HDAC9: variants seen among roughly 807,000 people sequenced by gnomAD.
HDAC9 encodes histone deacetylase 9.
Under a neutral mutation model 139.4 loss-of-function variants are expected in HDAC9, and 41 were observed. The ratio of observed to expected loss-of-function variants is 0.29; its 90% CI spans 0.23 to 0.38. The LOEUF is 0.38. Among genes scored for constraint, HDAC9 ranks in the 10% least tolerant of loss-of-function variants. HDAC9 has a pLI of 1.00. For synonymous variants in HDAC9, 517 were observed against 476.2 expected (o/e 1.09, Z -1.12); for missense variants, 1,147 against 1,297.0 (o/e 0.88, Z 1.78).
At chr7:18,108,413 A>G (rs547981743) in intron 1 of HDAC9, among the ~76,000 whole-genome samples, 1 of 152,326 alleles carries the variant, frequency 6.6e-6, no homozygotes, top group South Asian at 2.1e-4. Context: ...CTCAGTCCTC[A>G]GGTAAGTACC....
chr7:18,477,868 A>G (rs1047799964), intron 1 of HDAC9, among the ~76,000 whole-genome samples: 1 of 152,096 alleles, frequency 6.6e-6, no homozygotes, highest in Admixed American at 6.5e-5. Context: ...GTATTTATTA[A>G]TATATTTTAA....
intron 2 of HDAC9, among the ~76,000 whole-genome samples, chr7:18,501,193 T>A (rs1798263527): frequency 6.6e-6 from 1 of 152,120 alleles, no homozygotes; most frequent in African/African-American, 2.4e-5. Flanking sequence ...GAGGGAACAC[T>A]GAATGCATTT....
chr7:18,574,288 T>G (rs2128751710), intron 2 of HDAC9, among the ~76,000 whole-genome samples: 1 of 152,318 alleles, frequency 6.6e-6, no homozygotes, highest in South Asian at 2.1e-4. Context: ...CAGACATCTG[T>G]GCAGCCCTCA....
chr7:18,542,518 TAA>T (rs1410097207), intron 2 of HDAC9, among the ~76,000 whole-genome samples: 1 of 152,246 alleles, frequency 6.6e-6, no homozygotes, highest in Non-Finnish European at 1.5e-5. Flanking sequence ...AGGAAAATTC[TAA>T]GATTTTTCTT....
In HDAC9 at chr7:18,954,166, T is replaced by C; in HGVS notation, c.2958T>C (p.Asp986=). 1 of 1,573,076 alleles carries C rather than the reference T, an allele frequency of 6.4e-7. No individual in the cohort carries two copies. The highest frequency in any genetic ancestry group is 8.7e-7 in the Non-Finnish European group (1 of 1,153,808). ...TGCAGCTGGAGCCACTTGCAGAAGA[T>C]ATTCTCCACCAAAGCCCGAATATGA... The part of the protein sequence containing the change: ...LGNELEPLAE[D]ILHQSPNMNA... The change falls in exon 24 of 26, where the codon GAT becomes GAC. Residue 986 remains aspartate (D), a synonymous_variant. Coordinates refer to ENST00000686413, the MANE Select transcript of HDAC9 (RefSeq NM_178425.4).
At chr7:18,640,954 A>T (rs1785413241) in intron 8 of HDAC9, among the ~76,000 whole-genome samples, 1 of 152,208 alleles carries the variant, frequency 6.6e-6, no homozygotes, top group African/African-American at 2.4e-5. Flanking sequence ...GGGTCATGGT[A>T]TACAGAATAA....
At chr7:18,871,775 G>A (rs1018321260) in intron 21 of HDAC9, among the ~76,000 whole-genome samples, 3 of 152,062 alleles carry the variant, frequency 2.0e-5, no homozygotes, top group African/African-American at 7.2e-5. Context: ...GGCATAAATA[G>A]AACAGTGAAC....
intron 23 of HDAC9, among the ~76,000 whole-genome samples, chr7:18,936,299 G>C (rs1042342902): frequency 1.3e-5 from 2 of 152,044 alleles, no homozygotes; most frequent in African/African-American, 4.8e-5. Flanking sequence ...AAAAAAAACT[G>C]TTTTAAAAAT....
chr7:18,095,179 G>A (rs1782427514), intron 1 of HDAC9, among the ~76,000 whole-genome samples: 1 of 151,920 alleles, frequency 6.6e-6, no homozygotes, highest in South Asian at 2.1e-4. Flanking sequence ...CTTTTTCACT[G>A]GGCCCAGTGT....
chr7:18,117,468 A>T (rs1784073928), intron 1 of HDAC9, among the ~76,000 whole-genome samples: 1 of 151,712 alleles, frequency 6.6e-6, no homozygotes, highest in African/African-American at 2.4e-5. Flanking sequence ...CCTGGGCAAC[A>T]GAGCGAGACT....
intron 15 of HDAC9, among the ~76,000 whole-genome samples, chr7:18,765,484 G>T (rs1334710068): frequency 6.6e-6 from 1 of 152,064 alleles, no homozygotes; most frequent in Non-Finnish European, 1.5e-5. Flanking sequence ...GCCAGGCATG[G>T]TGATGCGCAC....
chr7:18,449,993 C>T (rs1200373977), intron 1 of HDAC9, among the ~76,000 whole-genome samples: 4 of 152,094 alleles, frequency 2.6e-5, no homozygotes, highest in African/African-American at 4.8e-5. Flanking sequence ...AACTGAAATA[C>T]GTTCTAACAA....
chr7:18,459,666 G>C (rs901810562), intron 1 of HDAC9, among the ~76,000 whole-genome samples: 2 of 152,044 alleles, frequency 1.3e-5, no homozygotes, highest in South Asian at 2.1e-4. Flanking sequence ...ATTAACATTT[G>C]CAAGTGTAGA....
intron 1 of HDAC9, among the ~76,000 whole-genome samples, chr7:18,457,256 A>G (rs1033366845): frequency 3.9e-5 from 6 of 152,172 alleles, no homozygotes; most frequent in Non-Finnish European, 8.8e-5. Flanking sequence ...TTCCTACAGT[A>G]TTTCAAGTGA....
intron 23 of HDAC9, chr7:18,948,976 G>T: frequency 2.6e-6 from 1 of 388,320 alleles, no homozygotes; most frequent in South Asian, 2.2e-5. Flanking sequence ...TCACATAATT[G>T]ATGAAATTGG....
At chr7:18,184,716 C>T (rs930861437) in intron 2 of HDAC9, among the ~76,000 whole-genome samples, 8 of 152,116 alleles carry the variant, frequency 5.3e-5, no homozygotes, top group Non-Finnish European at 8.8e-5. Flanking sequence ...TCTTGACCCT[C>T]GGATTATTTC....
chr7:18,958,396 C>CT (rs1441268053), intron 24 of HDAC9, among the ~76,000 whole-genome samples: 1 of 152,160 alleles, frequency 6.6e-6, no homozygotes, highest in Admixed American at 6.6e-5. Context: ...ATTAGAATCT[C>CT]TAAGAGATGT....
intron 1 of HDAC9, among the ~76,000 whole-genome samples, chr7:18,470,125 G>T (rs2128118914): frequency 6.6e-6 from 1 of 152,146 alleles, no homozygotes; most frequent in Admixed American, 6.6e-5. Context: ...ACCCCTTGAG[G>T]CCAGGAGTTC....
intron 12 of HDAC9, among the ~76,000 whole-genome samples, chr7:18,720,675 T>TC (rs951215218): frequency 4.0e-5 from 6 of 151,732 alleles, no homozygotes; most frequent in African/African-American, 1.2e-4. Context: ...TCTTTTCTTT[T>TC]TTTTTTTTCT....
Sources: gnomAD v4.1 joint callset for allele counts (sites outside exome capture counted in the v4.1 genomes callset) on GRCh38, gnomAD v4.1.1 for gene constraint, MANE v1.5 for transcripts, NCBI Gene and HGNC (gene_info 2026-07-23, HGNC 2026-07-21) for gene names.